Variants in MCF2L observed in about 807,000 individuals in gnomAD.
The protein encoded by MCF2L is guanine nucleotide exchange factor DBS.
MCF2L carries 97 observed loss-of-function variants against 153.4 expected under a neutral mutation model. The ratio of observed to expected loss-of-function variants is 0.63; its 90% CI spans 0.54 to 0.75. MCF2L has a LOEUF of 0.75. MCF2L is among the 30% of genes least tolerant of loss of function. The pLI is 0.00. For synonymous variants in MCF2L, 659 were observed against 632.2 expected (o/e 1.04, Z -0.64); for missense variants, 1,347 against 1,495.2 (o/e 0.90, Z 1.64).
chr13:113,027,797 G>T lies in MCF2L; in HGVS notation c.278+3039G>T, dbSNP rs2085405849. Among the ~76,000 whole-genome samples the T allele has an allele frequency of 6.6e-6, 1 of 152,242 alleles. No homozygotes were observed. On this transcript the variant is annotated intron_variant, in intron 3 of 29. Transcript: ENST00000535094. This position sits in a 1 kb window ranked among gnomAD's most constrained non-coding sequence, Gnocchi z 4.8. ...GCTTAATAACACGGTGATGGCTGGA[G>T]AAAGGGGATGGCTGGGCAGGGGAGC...
At chr13:112,926,509 C>T (rs1165154582) in intron 2 of MCF2L, among the ~76,000 whole-genome samples, 1 of 152,062 alleles carries the variant, frequency 6.6e-6, no homozygotes, top group East Asian at 1.9e-4. Context: ...TCTACATGCA[C>T]AGCGGAGTAC....
chr13:113,013,337 G>A (rs1361794464), intron 1 of MCF2L, among the ~76,000 whole-genome samples: 1 of 152,208 alleles, frequency 6.6e-6, no homozygotes, highest in African/African-American at 2.4e-5. Context: ...AGGCTCTGGG[G>A]AAGGGCCTTG....
At chr13:113,004,731 G>A (rs2083575844) in intron 1 of MCF2L, among the ~76,000 whole-genome samples, 1 of 152,248 alleles carries the variant, frequency 6.6e-6, no homozygotes, top group African/African-American at 2.4e-5. Flanking sequence ...GCCAGTGAGT[G>A]TCTTTCCTGT....
chr13:112,969,356 G>A lies in MCF2L; in HGVS notation c.-24G>A, dbSNP rs2081965105. 5 of 1,549,872 alleles carry A rather than the reference G, an allele frequency of 3.2e-6. No homozygotes were observed. The African/African-American group carries it at 4.1e-5, about 13-fold the overall frequency. ...CCGTGCGGAGGAAGCGGATCTGCCA[G>A]GATCATTTTTGTTGTGTCGGAGGAT... is the stretch of plus-strand genomic sequence containing the variant. On this transcript the variant is annotated 5_prime_UTR_variant, in exon 1 of 30. Transcript: ENST00000535094. The surrounding 1 kb of genome is among the most constrained non-coding windows in gnomAD (Gnocchi z 4.8).
intron 3 of MCF2L, chr13:113,044,079 G>A (rs1423866616): frequency 6.3e-6 from 1 of 159,762 alleles, no homozygotes; most frequent in Non-Finnish European, 1.4e-5. Flanking sequence ...GGCCCCCACA[G>A]CTGTGAAATG....
upstream of MCF2L, chr13:112,965,239 G>A (rs1188181715): frequency 2.0e-5 from 3 of 152,362 alleles, no homozygotes; most frequent in Non-Finnish European, 4.4e-5. Flanking sequence ...TTGCTGCTGG[G>A]ACACAGGGAC....
intron 1 of MCF2L, among the ~76,000 whole-genome samples, chr13:113,007,055 CAG>C (rs1419212381): frequency 6.6e-6 from 1 of 152,184 alleles, no homozygotes; most frequent in Non-Finnish European, 1.5e-5. Flanking sequence ...GTCTCTCAGA[CAG>C]TGGCTCTCAG....
chr13:112,986,783 C>T (rs370585096), intron 1 of MCF2L, among the ~76,000 whole-genome samples: 1 of 152,358 alleles, frequency 6.6e-6, no homozygotes, highest in South Asian at 2.1e-4. Context: ...GTCTGCACTG[C>T]GCCCTCACTC....
intron 2 of MCF2L, among the ~76,000 whole-genome samples, chr13:112,908,735 T>C (rs1221618487): frequency 1.7e-5 from 1 of 58,982 alleles, no homozygotes; most frequent in Non-Finnish European, 3.3e-5. Flanking sequence ...TGTTTTGGTT[T>C]TTTTTTGTTT....
At chr13:112,914,041 G>A (rs995997143) in intron 2 of MCF2L, among the ~76,000 whole-genome samples, 1 of 152,120 alleles carries the variant, frequency 6.6e-6, no homozygotes, top group Admixed American at 6.6e-5. Context: ...CTCCCCCTGT[G>A]AGCCAGCCTG....
Position 112,915,410 on chromosome 13 carries a change from C to CAAAAA in MCF2L, c.169+13050_169+13054dup, listed in dbSNP as rs779274453. On this transcript the variant is annotated intron_variant, in intron 2 of 29. Transcript: ENST00000375608. ...GGTGACAGAGCAAGACTCTGTCTCA[C>CAAAAA]AAAAAAAAAAAAAAATCCATCCTCA... Among the ~76,000 whole-genome samples, 194 of 86,930 alleles carry CAAAAA rather than the reference C, an allele frequency of 2.2e-3. 12 individuals are homozygous for CAAAAA. Among genetic ancestry groups the CAAAAA allele is most frequent in the African/African-American group, 9.2e-3 (173 of 18,752 alleles). The allele number at this position is 86,930 out of a possible 152,430, so 57.0% of individuals were successfully genotyped here.
Position 113,064,284 on chromosome 13 carries a change from G to A in MCF2L, c.490-20G>A, listed in dbSNP as rs377472840. On this transcript the variant is annotated intron_variant, in intron 5 of 29. Transcript: ENST00000535094. The surrounding 1 kb of genome is among the most constrained non-coding windows in gnomAD (Gnocchi z 6.0). ...CAACAATAATCCCAAACACTACCAC[G>A]CATTCCCTTTCTCCTCCAGGTCATA... is the stretch of plus-strand genomic sequence containing the variant. The A allele has an allele frequency of 1.5e-5, 23 of 1,542,894 alleles. No individual in the cohort carries two copies. The highest frequency in any genetic ancestry group is 2.7e-5 in the African/African-American group (2 of 73,646).
chr13:113,044,909 T>C, intron 3 of MCF2L: 2 of 1,611,616 alleles, frequency 1.2e-6, no homozygotes, highest in South Asian at 1.1e-5. Flanking sequence ...TAAGACTGTT[T>C]TGGAGGGTTT....
At chr13:113,092,274 A>G (rs2035282581) in intron 26 of MCF2L, among the ~76,000 whole-genome samples, 2 of 152,254 alleles carry the variant, frequency 1.3e-5, no homozygotes, top group South Asian at 2.1e-4. Flanking sequence ...CTCGTCATCC[A>G]TGAATGAAGA....
At chr13:113,005,680 G>C (rs2083648640) in intron 1 of MCF2L, among the ~76,000 whole-genome samples, 1 of 152,146 alleles carries the variant, frequency 6.6e-6, no homozygotes, top group Non-Finnish European at 1.5e-5. Context: ...TGGTGACTGT[G>C]GTTAACGCTG....
intron 1 of MCF2L, among the ~76,000 whole-genome samples, chr13:113,004,254 C>T (rs190293302): frequency 5.1e-4 from 77 of 152,306 alleles, no homozygotes; most frequent in African/African-American, 1.7e-3. Context: ...GAGGACGGGG[C>T]ACCACCCTGC....
intron 1 of MCF2L, among the ~76,000 whole-genome samples, chr13:112,985,636 GT>G (rs1318960585): frequency 1.3e-5 from 2 of 152,212 alleles, no homozygotes; most frequent in Admixed American, 6.5e-5. Context: ...AGCTCAGGGA[GT>G]GGGGATGAGA....
In MCF2L at chr13:113,028,875, T is replaced by G. The variant is rs1397477854; in HGVS notation, c.278+4117T>G. Among the ~76,000 whole-genome samples the G allele has an allele frequency of 6.7e-6, 1 of 148,752 alleles. No homozygotes were observed. The highest frequency in any genetic ancestry group is 1.5e-5 in the Non-Finnish European group (1 of 67,062). On this transcript the variant is annotated intron_variant, in intron 3 of 29. Transcript: ENST00000535094. The surrounding 1 kb of genome is among the most constrained non-coding windows in gnomAD (Gnocchi z 5.4). ...GTGTGTGGCGTGTGCGGGGTGTGTGTGGGGTATGTGTGGTGTGTGTGTAAT... is the reference window on the plus strand; with the variant it reads ...GTGTGTGGCGTGTGCGGGGTGTGTGGGGGGTATGTGTGGTGTGTGTGTAAT...
chr13:113,090,922 GCCCT>G, intron 26 of MCF2L: 1 of 1,188,466 alleles, frequency 8.4e-7, no homozygotes, highest in East Asian at 5.9e-5. Flanking sequence ...CCACTCCCAT[GCCCT>G]CCCGGCCCCT....
Sources: allele counts gnomAD v4.1 joint callset (sites outside exome capture counted in the v4.1 genomes callset), GRCh38; gene constraint gnomAD v4.1.1; non-coding constraint Gnocchi (gnomAD v3.1); transcripts MANE v1.5; gene names NCBI Gene and HGNC (gene_info 2026-07-23, HGNC 2026-07-21).